Variants in ADGRE3 observed in about 807,000 individuals in gnomAD.
ADGRE3 encodes the protein EGF-like module receptor 3.
ADGRE3 carries 88 observed loss-of-function variants against 80.1 expected under a neutral mutation model. The observed-to-expected ratio is 1.10, with a 90% CI of 0.93 to 1.31. The LOEUF (loss-of-function observed/expected upper bound fraction) is 1.31, where lower values mean the gene tolerates loss of function less well. Among genes scored for constraint, ADGRE3 ranks in the 40% most tolerant of loss-of-function variants. The pLI is 0.00. For missense variants in ADGRE3, 715 were observed against 776.5 expected (o/e 0.92, Z 0.94); for synonymous variants, 281 against 294.8 (o/e 0.95, Z 0.48).
intron 10 of ADGRE3, among the ~76,000 whole-genome samples, chr19:14,639,787 T>C (rs1289549537): frequency 1.3e-5 from 2 of 152,164 alleles, no homozygotes; most frequent in East Asian, 3.8e-4. Context: ...CCTCCCCCTA[T>C]TTGCCTAAAA....
chr19:14,602,372 C>T, the ADGRE3 span, among the ~76,000 whole-genome samples: 2 of 152,164 alleles, frequency 1.3e-5, no homozygotes, highest in African/African-American at 4.8e-5. Flanking sequence ...TCATGGCAGC[C>T]TTGGCCTCCT....
Position 14,658,527 on chromosome 19 carries a change from C to G in ADGRE3, c.379G>C (p.Glu127Gln), listed in dbSNP as rs4606855. The stretch of plus-strand genomic sequence containing the variant: ...CCTCCACTCACCTCTTTCCTGCCCT[C>G]GGTTGTCTTTGAGGAGGTGGTGTCT... Reference protein sequence around the residue: ...CQDTTSSKTTEGRKELQKIVD... With the variant: ...CQDTTSSKTTQGRKELQKIVD... The change falls in exon 5 of 16, where the codon GAG becomes CAG. Residue 127 changes from glutamate (E) to glutamine (Q), a missense_variant. By Grantham distance (29) the Glu-to-Gln change is conservative (BLOSUM62 2). Transcript: ENST00000253673. The G allele has an allele frequency of 0.75, 1,169,373 of 1,562,808 alleles. 440,923 individuals are homozygous for G. The highest frequency in any genetic ancestry group is 0.94 in the African/African-American group (66,978 of 71,544).
intron 1 of ADGRE3, among the ~76,000 whole-genome samples, chr19:14,673,599 G>A (rs1568504729): frequency 6.6e-6 from 1 of 152,192 alleles, no homozygotes; most frequent in African/African-American, 2.4e-5. Flanking sequence ...GCTGTGTGAT[G>A]TTGGACAAAT....
intron 6 of ADGRE3, among the ~76,000 whole-genome samples, chr19:14,653,675 C>A (rs556941658): frequency 2.6e-5 from 4 of 151,712 alleles, no homozygotes; most frequent in South Asian, 4.2e-4. Flanking sequence ...TGGGCTCAAG[C>A]GATCCTCCCA....
At chr19:14,669,211 C>G (rs558950464) in intron 1 of ADGRE3, among the ~76,000 whole-genome samples, 6 of 152,158 alleles carry the variant, frequency 3.9e-5, no homozygotes, top group African/African-American at 4.8e-5. Context: ...CATATATGCA[C>G]CATGGAATAC....
rs538010054 is a variant in ADGRE3, at chr19:14,669,405, C to G, written c.26-553G>C. ...AGATGGAGACAATAGACTCTGGGGA[C>G]TTTGCAATAGCCATGACTTGGCTAT... On this transcript the variant is annotated intron_variant, in intron 1 of 15. Coordinates refer to ENST00000253673, the MANE Select transcript of ADGRE3 (RefSeq NM_032571.5). Among the ~76,000 whole-genome samples the G allele has an allele frequency of 4.6e-5, 7 of 152,202 alleles. 1 individual carries two copies. The South Asian group carries it at 1.5e-3, about 32-fold the overall frequency.
At chr19:14,620,727 AC>A (rs968355054) in intron 15 of ADGRE3, among the ~76,000 whole-genome samples, 16 of 148,978 alleles carry the variant, frequency 1.1e-4, no homozygotes, top group Admixed American at 3.4e-4. Flanking sequence ...AATAGCTGAA[AC>A]TACAGGCTAC....
In ADGRE3 at chr19:14,655,129, T is replaced by C. The variant is rs111665529; in HGVS notation, c.430A>G (p.Thr144Ala). Residue 144 changes from threonine to alanine, a missense_variant, in exon 6 of 16, where the codon ACC becomes GCC. Transcript: ENST00000253673. Reference protein sequence around the residue: ...KIVDKFESLLTNQTLWRTEGR... With the variant: ...KIVDKFESLLANQTLWRTEGR... ...TCTGTTCTCCATAAAGTCTGATTGGTGAGAAGTGACTCAAATTTGTCCACA... is the reference window on the plus strand; with the variant it reads ...TCTGTTCTCCATAAAGTCTGATTGGCGAGAAGTGACTCAAATTTGTCCACA... The C allele has an allele frequency of 6.2e-7, 1 of 1,612,426 alleles. No homozygotes were observed. Among genetic ancestry groups the C allele is most frequent in the South Asian group, 1.1e-5 (1 of 90,574 alleles).
At chr19:14,637,241 C>T (rs1185321478) in intron 11 of ADGRE3, among the ~76,000 whole-genome samples, 1 of 152,196 alleles carries the variant, frequency 6.6e-6, no homozygotes, top group Non-Finnish European at 1.5e-5. Context: ...TTTCCGTCTC[C>T]TGATGATTTT....
chr19:14,660,882 G>A (rs1971928376), intron 4 of ADGRE3, among the ~76,000 whole-genome samples: 1 of 149,982 alleles, frequency 6.7e-6, no homozygotes, highest in Non-Finnish European at 1.5e-5. Flanking sequence ...TCTCTCTTTG[G>A]TTGGTTGGGG....
chr19:14,665,568 C>A (rs1167226204), intron 2 of ADGRE3, among the ~76,000 whole-genome samples: 1 of 152,000 alleles, frequency 6.6e-6, no homozygotes, highest in East Asian at 1.9e-4. Context: ...TAGCTCACTG[C>A]AGCCTCAACC....
intron 8 of ADGRE3, 117 bp downstream of exon 8, chr19:14,647,064 T>G: frequency 2.8e-6 from 2 of 706,826 alleles, no homozygotes; most frequent in Non-Finnish European, 4.9e-6. Flanking sequence ...TAGCGACAGG[T>G]GCTCCTGACT....
At chr19:14,625,425 A>C in intron 15 of ADGRE3, 67 bp downstream of exon 15, 2 of 1,028,388 alleles carry the variant, frequency 1.9e-6, no homozygotes, top group South Asian at 1.4e-5. Flanking sequence ...ATCCCAAACT[A>C]GAGGAAGTTT....
At chr19:14,651,748 A>T (rs1329642055) in intron 6 of ADGRE3, among the ~76,000 whole-genome samples, 1 of 152,190 alleles carries the variant, frequency 6.6e-6, no homozygotes, top group Non-Finnish European at 1.5e-5. Flanking sequence ...TGATTAAATA[A>T]GTGATGATAT....
At chr19:14,600,506 C>G in the ADGRE3 span, among the ~76,000 whole-genome samples, 1 of 152,076 alleles carries the variant, frequency 6.6e-6, no homozygotes, top group Non-Finnish European at 1.5e-5. Context: ...TACTTTACAT[C>G]TTACAGTCAT....
chr19:14,608,480 A>AT, the ADGRE3 span, among the ~76,000 whole-genome samples: 113 of 152,114 alleles, frequency 7.4e-4, 2 homozygotes, highest in Middle Eastern at 0.024. Context: ...CACCAGGGTG[A>AT]TTTTTTGGTG....
downstream of ADGRE3, among the ~76,000 whole-genome samples, chr19:14,614,398 T>C (rs963695203): frequency 1.3e-5 from 2 of 152,202 alleles, no homozygotes; most frequent in Non-Finnish European, 2.9e-5. Flanking sequence ...GATTATCTAA[T>C]TGCAGAGAGG....
At chr19:14,667,031 C>T (rs750464449) in intron 2 of ADGRE3, among the ~76,000 whole-genome samples, 2 of 152,028 alleles carry the variant, frequency 1.3e-5, no homozygotes, top group African/African-American at 2.4e-5. Flanking sequence ...GTAGGGTGGG[C>T]GCAGGTTGTC....
chr19:14,613,898 C>G, the ADGRE3 span, among the ~76,000 whole-genome samples: 1 of 152,086 alleles, frequency 6.6e-6, no homozygotes, highest in Non-Finnish European at 1.5e-5. Context: ...TTTGGCCAGG[C>G]TGGTCTCGAA....
Sources: gnomAD v4.1 joint callset for allele counts (sites outside exome capture counted in the v4.1 genomes callset) on GRCh38, gnomAD v4.1.1 for gene constraint, MANE v1.5 for transcripts, NCBI Gene and HGNC (gene_info 2026-07-23, HGNC 2026-07-21) for gene names.